Variants in PAG1 observed in about 807,000 individuals in gnomAD.
PAG1 encodes phosphoprotein associated with glycosphingolipid-enriched microdomains 1.
A neutral mutation model predicts 31.7 loss-of-function variants in PAG1; 23 were observed. The ratio of observed to expected loss-of-function variants is 0.73; its 90% CI spans 0.52 to 1.03. The LOEUF is 1.03. Among genes scored for constraint, PAG1 ranks in the 50% least tolerant of loss-of-function variants. The pLI is 0.00. For synonymous variants in PAG1, 214 were observed against 210.3 expected (o/e 1.02, Z -0.15); for missense variants, 473 against 540.7 (o/e 0.87, Z 1.24).
At chr8:81,094,617 C>A (rs73692371) in intron 1 of PAG1, among the ~76,000 whole-genome samples, 8,963 of 151,910 alleles carry the variant, frequency 0.059, 873 homozygotes, top group African/African-American at 0.2. Flanking sequence ...CTCTTCTTTG[C>A]AATATATATA....
intron 1 of PAG1, among the ~76,000 whole-genome samples, chr8:81,092,127 TG>T (rs1260250322): frequency 7.7e-6 from 1 of 130,596 alleles, no homozygotes; most frequent in African/African-American, 3.0e-5. Flanking sequence ...CTAAGGAAGG[TG>T]GATGGCTTGA....
intron 1 of PAG1, among the ~76,000 whole-genome samples, chr8:81,094,323 A>G (rs747818901): frequency 4.6e-5 from 7 of 152,200 alleles, no homozygotes; most frequent in Non-Finnish European, 7.3e-5. Context: ...AATTTATTGA[A>G]GCAAATGTGT....
intron 3 of PAG1, among the ~76,000 whole-genome samples, chr8:80,994,450 C>T (rs771637632): frequency 3.9e-5 from 6 of 152,184 alleles, no homozygotes; most frequent in Non-Finnish European, 8.8e-5. Flanking sequence ...TAAATGCTTT[C>T]CTCATTTAAT....
chr8:80,984,018 C>T (rs1347921083), intron 7 of PAG1, among the ~76,000 whole-genome samples: 3 of 152,230 alleles, frequency 2.0e-5, no homozygotes, highest in Non-Finnish European at 4.4e-5. Flanking sequence ...TAACCTGCTA[C>T]TTGTCCTTCC....
intron 1 of PAG1, among the ~76,000 whole-genome samples, chr8:81,074,634 A>C (rs1336475409): frequency 6.6e-6 from 1 of 152,140 alleles, no homozygotes; most frequent in Non-Finnish European, 1.5e-5. Flanking sequence ...CTTGCTGAAA[A>C]TGGCAGAATC....
chr8:81,087,023 G>T (rs576942615), intron 1 of PAG1, among the ~76,000 whole-genome samples: 34 of 152,260 alleles, frequency 2.2e-4, no homozygotes, highest in African/African-American at 7.9e-4. Context: ...TGGCCCACAA[G>T]CTAAGAATTA....
intron 2 of PAG1, among the ~76,000 whole-genome samples, chr8:81,051,250 T>C (rs757050304): frequency 6.6e-6 from 1 of 152,098 alleles, no homozygotes; most frequent in Admixed American, 6.5e-5. Context: ...TAAGAGGAAA[T>C]AGAAAAATGA....
intron 2 of PAG1, among the ~76,000 whole-genome samples, chr8:81,055,576 T>C (rs569417919): frequency 3.7e-4 from 57 of 152,250 alleles, no homozygotes; most frequent in African/African-American, 1.3e-3. Flanking sequence ...ATATTGATTC[T>C]TCCTATCCAT....
rs1809233042 is a variant in PAG1 at position 81,079,646 on chromosome 8, G to C, written c.-233-9476C>G. On this transcript the variant is annotated intron_variant, in intron 1 of 8. Transcript: ENST00000220597. ...CCCCTTAAGAGAAAGACCAATAGGG[G>C]TGGAGGGGCCTTGAATTGTAGAACT... Among the ~76,000 whole-genome samples the C allele has an allele frequency of 1.3e-5, 2 of 152,124 alleles. 1 individual carries two copies. The highest frequency in any genetic ancestry group is 4.1e-4 in the South Asian group (2 of 4,826).
At chr8:81,045,276 C>A (rs1808622773) in intron 2 of PAG1, among the ~76,000 whole-genome samples, 1 of 152,162 alleles carries the variant, frequency 6.6e-6, no homozygotes, top group South Asian at 2.1e-4. Context: ...CTCTCCTAAG[C>A]ACTGAATTTG....
chr8:81,079,223 C>T (rs1374492071), intron 1 of PAG1, among the ~76,000 whole-genome samples: 2 of 152,046 alleles, frequency 1.3e-5, no homozygotes, highest in Non-Finnish European at 2.9e-5. Flanking sequence ...GATATAGGAG[C>T]CAAACAAGTA....
intron 2 of PAG1, among the ~76,000 whole-genome samples, chr8:81,053,297 A>G (rs532180584): frequency 3.3e-5 from 5 of 152,394 alleles, no homozygotes; most frequent in East Asian, 1.9e-4. Context: ...TGACAACTCA[A>G]TAAGTCATAA....
intron 8 of PAG1, among the ~76,000 whole-genome samples, chr8:80,979,598 T>C (rs1419466254): frequency 6.6e-6 from 1 of 152,150 alleles, no homozygotes; most frequent in Non-Finnish European, 1.5e-5. Context: ...CTTTGAACAT[T>C]CAACGTGGGT....
chr8:80,986,349 G>A (rs1227341446), intron 6 of PAG1, among the ~76,000 whole-genome samples: 3 of 152,134 alleles, frequency 2.0e-5, no homozygotes, highest in Admixed American at 1.3e-4. Context: ...AGGCACTGGT[G>A]TCCTGATTAC....
At chr8:81,024,027 G>C (rs981813471) in intron 3 of PAG1, among the ~76,000 whole-genome samples, 1 of 152,070 alleles carries the variant, frequency 6.6e-6, no homozygotes, top group Non-Finnish European at 1.5e-5. Context: ...AGCCCCCATG[G>C]GGGCTTGCAG....
chr8:80,997,287 CTTTTT>C (rs941015269), intron 3 of PAG1, among the ~76,000 whole-genome samples: 3 of 151,916 alleles, frequency 2.0e-5, no homozygotes, highest in Non-Finnish European at 4.4e-5. Context: ...ATTATTTCTT[CTTTTT>C]TTTGAGACAG....
intron 3 of PAG1, among the ~76,000 whole-genome samples, chr8:81,024,456 C>T (rs893872694): frequency 4.6e-5 from 7 of 152,192 alleles, no homozygotes; most frequent in Non-Finnish European, 8.8e-5. Context: ...CAAACACCTC[C>T]ACATATACGC....
intron 1 of PAG1, among the ~76,000 whole-genome samples, chr8:81,100,353 A>T (rs983422380): frequency 6.6e-6 from 1 of 152,252 alleles, no homozygotes; most frequent in African/African-American, 2.4e-5. Context: ...TTGCGTAAAA[A>T]ATATAATACA....
chr8:81,096,969 G>C (rs1000491107), intron 1 of PAG1, among the ~76,000 whole-genome samples: 3 of 152,232 alleles, frequency 2.0e-5, no homozygotes, highest in Non-Finnish European at 4.4e-5. Flanking sequence ...AAAGCAAACA[G>C]AGGGATGAGG....
Sources: allele counts gnomAD v4.1 joint callset (sites outside exome capture counted in the v4.1 genomes callset), GRCh38; gene constraint gnomAD v4.1.1; transcripts MANE v1.5; gene names NCBI Gene and HGNC (gene_info 2026-07-23, HGNC 2026-07-21).